Variants in PPHLN1 observed in about 807,000 individuals in gnomAD.
PPHLN1 encodes the protein periphilin-1.
A neutral mutation model predicts 51.3 loss-of-function variants in PPHLN1; 29 were observed. The observed-to-expected ratio is 0.57, with a 90% confidence interval of 0.42 to 0.77. The LOEUF is 0.77. Among genes scored for constraint, PPHLN1 ranks in the 30% least tolerant of loss-of-function variants. The probability of loss-of-function intolerance (pLI) is 0.00; values close to 1 mark genes in which losing one functional copy is unlikely to be tolerated. For synonymous variants in PPHLN1, 147 were observed against 147.8 expected (o/e 0.99, Z 0.04); for missense variants, 436 against 438.4 (o/e 0.99, Z 0.05).
Position 42,335,939 on chromosome 12 carries a change from C to T in PPHLN1, c.37C>T (p.Pro13Ser), listed in dbSNP as rs2070577320. 6.3e-7 allele frequency: 1 copy of T among 1,585,260 alleles called. No individual in the cohort carries two copies. The highest frequency in any genetic ancestry group is 8.6e-7 in the Non-Finnish European group (1 of 1,164,376). Residue 13 changes from proline (P) to serine (S), a missense_variant, in exon 2 of 10, where the codon CCG becomes TCG. Transcript: ENST00000358314. ...SEGRYEYERI[P>S]RERAPPRSHP... ...GGGACGATATGAATATGAAAGAATT[C>T]CGAGAGAACGAGCACCTCCTCGAAG...
downstream of PPHLN1, chr12:42,446,683 A>G: frequency 6.4e-7 from 1 of 1,561,026 alleles, no homozygotes; most frequent in South Asian, 1.2e-5. Context: ...AACCTGATGC[A>G]AAAAACAGAA....
At chr12:42,400,945 C>T (rs942627947) in intron 9 of PPHLN1, among the ~76,000 whole-genome samples, 7 of 152,140 alleles carry the variant, frequency 4.6e-5, no homozygotes, top group Non-Finnish European at 8.8e-5. Flanking sequence ...TTTTCAAATA[C>T]AGTCCCTGAT....
At chr12:42,406,694 A>C (rs1316567935) in intron 9 of PPHLN1, among the ~76,000 whole-genome samples, 1 of 152,006 alleles carries the variant, frequency 6.6e-6, no homozygotes, top group African/African-American at 2.4e-5. Context: ...TGTGTTGTGG[A>C]TATTTTTCCC....
At chr12:42,402,491 C>T (rs1026527297) in intron 9 of PPHLN1, among the ~76,000 whole-genome samples, 3 of 152,154 alleles carry the variant, frequency 2.0e-5, no homozygotes, top group South Asian at 2.1e-4. Context: ...ACCATTTGTG[C>T]GACTATATGG....
At chr12:42,365,654 G>A (rs1293450521) in intron 4 of PPHLN1, among the ~76,000 whole-genome samples, 1 of 152,202 alleles carries the variant, frequency 6.6e-6, no homozygotes, top group Admixed American at 6.5e-5. Flanking sequence ...TTGAGAGACA[G>A]TGCCTTATGG....
chr12:42,339,428 T>C (rs2137884761), intron 2 of PPHLN1, among the ~76,000 whole-genome samples: 1 of 152,282 alleles, frequency 6.6e-6, no homozygotes, highest in South Asian at 2.1e-4. Flanking sequence ...GCCTTCTCTT[T>C]CCCTCAATAC....
intron 9 of PPHLN1, among the ~76,000 whole-genome samples, chr12:42,429,392 G>A (rs1416075813): frequency 6.6e-6 from 1 of 152,084 alleles, no homozygotes; most frequent in African/African-American, 2.4e-5. Flanking sequence ...CTCATGTCTA[G>A]CTCCATTTTG....
rs1189187789 is a variant in PPHLN1 at position 42,398,889 on chromosome 12, A to G, written c.804A>G (p.Pro268=). 6.2e-7 allele frequency: 1 copy of G among 1,614,136 alleles called. No individual in the cohort carries two copies. The highest frequency in any genetic ancestry group is 8.5e-7 in the Non-Finnish European group (1 of 1,179,978). ...CAGCACCATTGTTTACTGACCAGCC[A>G]GAGGAACCTGAGTCAAACACAACAC... The part of the protein sequence containing the change: ...GSTAPLFTDQ[P]EEPESNTTHG... The change falls in exon 9 of 10, where the codon CCA becomes CCG. Residue 268 remains proline, a synonymous_variant. Coordinates refer to ENST00000358314, the MANE Select transcript of PPHLN1 (RefSeq NM_201439.2).
At chr12:42,435,620 G>C (rs1183089790) in intron 9 of PPHLN1, among the ~76,000 whole-genome samples, 1 of 151,990 alleles carries the variant, frequency 6.6e-6, no homozygotes, top group East Asian at 1.9e-4. Context: ...TAAACATTAT[G>C]AATGGTTCCT....
intron 7 of PPHLN1, among the ~76,000 whole-genome samples, chr12:42,391,448 A>G (rs2077704392): frequency 6.6e-6 from 1 of 152,088 alleles, no homozygotes; most frequent in African/African-American, 2.4e-5. Flanking sequence ...CGTGTTGGCC[A>G]GGCTGGTCTG....
chr12:42,404,584 T>C (rs1378515371), intron 9 of PPHLN1, among the ~76,000 whole-genome samples: 3 of 150,406 alleles, frequency 2.0e-5, no homozygotes, highest in Admixed American at 6.7e-5. Context: ...TGATATAGGT[T>C]TACCTCTGAA....
rs779379198 is a variant in PPHLN1 at position 42,442,110 on chromosome 12, G to A, written c.*601G>A. On this transcript the variant is annotated 3_prime_UTR_variant, in exon 10 of 10. Coordinates refer to ENST00000358314, the MANE Select transcript of PPHLN1 (RefSeq NM_201439.2). ...TGAAACTCCTGACTCTCTCACTGATGTATGAGTCTTAAATAATATCATATA... is the reference window on the plus strand; with the variant it reads ...TGAAACTCCTGACTCTCTCACTGATATATGAGTCTTAAATAATATCATATA... 9 of 311,072 alleles carry A rather than the reference G, an allele frequency of 2.9e-5. No individual in the cohort carries two copies. Among genetic ancestry groups the A allele is most frequent in the Non-Finnish European group, 4.2e-5 (9 of 213,682 alleles). The allele number at this position is 311,072 out of a possible 1,614,324, so 19.3% of individuals were successfully genotyped here.
At chr12:42,410,547 G>A (rs889270493) in intron 9 of PPHLN1, among the ~76,000 whole-genome samples, 1 of 152,292 alleles carries the variant, frequency 6.6e-6, no homozygotes, top group South Asian at 2.1e-4. Flanking sequence ...TAGACTTGCT[G>A]TAAATGTTTG....
chr12:42,375,918 C>T (rs991236494), intron 5 of PPHLN1, among the ~76,000 whole-genome samples: 13 of 152,276 alleles, frequency 8.5e-5, no homozygotes, highest in African/African-American at 2.9e-4. Context: ...TAATATTATA[C>T]AATGATGTCC....
downstream of PPHLN1, chr12:42,442,497 C>T: frequency 8.5e-7 from 1 of 1,171,220 alleles, no homozygotes; most frequent in Admixed American, 2.3e-5. Flanking sequence ...CTTTGGCGTT[C>T]TGTCTGTACC....
At chr12:42,423,360 A>G (rs2081165690) in intron 9 of PPHLN1, among the ~76,000 whole-genome samples, 1 of 152,108 alleles carries the variant, frequency 6.6e-6, no homozygotes, top group Non-Finnish European at 1.5e-5. Context: ...ATTTTAGCCT[A>G]CTTTTAATCT....
At chr12:42,334,897 T>A (rs1448490514) in intron 1 of PPHLN1, among the ~76,000 whole-genome samples, 6 of 152,254 alleles carry the variant, frequency 3.9e-5, no homozygotes, top group Non-Finnish European at 8.8e-5. Flanking sequence ...TACACACTTA[T>A]ACATTTATGT....
intron 9 of PPHLN1, among the ~76,000 whole-genome samples, chr12:42,416,345 AT>A (rs1185250348): frequency 6.6e-6 from 1 of 152,212 alleles, no homozygotes; most frequent in Non-Finnish European, 1.5e-5. Flanking sequence ...CTTGGTAGAA[AT>A]TGGAAGGAAG....
intron 9 of PPHLN1, among the ~76,000 whole-genome samples, chr12:42,430,524 G>C (rs555147099): frequency 6.6e-6 from 1 of 151,502 alleles, no homozygotes; most frequent in Non-Finnish European, 1.5e-5. Flanking sequence ...TTTTTGAGAC[G>C]GAGTACCCAG....
Sources: allele counts gnomAD v4.1 joint callset (sites outside exome capture counted in the v4.1 genomes callset), GRCh38; gene constraint gnomAD v4.1.1; transcripts MANE v1.5; gene names NCBI Gene and HGNC (gene_info 2026-07-23, HGNC 2026-07-21).